Variants in KCTD8 observed in about 807,000 individuals in gnomAD.
KCTD8 encodes the protein potassium channel tetramerization domain containing 8.
Under a neutral mutation model 31.5 loss-of-function variants are expected in KCTD8, and 27 were observed. The observed-to-expected ratio is 0.86, with a 90% CI of 0.63 to 1.18. KCTD8 has a LOEUF of 1.18. Among genes scored for constraint, KCTD8 ranks in the 50% most tolerant of loss-of-function variants. KCTD8 has a pLI of 0.00. For missense variants in KCTD8, 658 were observed against 647.7 expected, an observed-to-expected ratio of 1.02 and a Z score of -0.17; for synonymous variants, 290 against 280.0, an observed-to-expected ratio of 1.04 and a Z score of -0.36.
intron 1 of KCTD8, among the ~76,000 whole-genome samples, chr4:44,233,063 C>T (rs1238303305): frequency 6.6e-6 from 1 of 151,728 alleles, no homozygotes; most frequent in African/African-American, 2.4e-5. Flanking sequence ...GATAACTTTG[C>T]TAATATTTTT....
chr4:44,364,913 GGAA>G (rs1343252354), intron 1 of KCTD8, among the ~76,000 whole-genome samples: 2 of 151,920 alleles, frequency 1.3e-5, no homozygotes, highest in African/African-American at 4.8e-5. Flanking sequence ...AGGGAGTGAG[GGAA>G]GAAGGAGAGA....
At chr4:44,180,811 C>A (rs1484579946) in intron 1 of KCTD8, among the ~76,000 whole-genome samples, 2 of 152,012 alleles carry the variant, frequency 1.3e-5, no homozygotes, top group Non-Finnish European at 2.9e-5. Flanking sequence ...TTATAAGAGT[C>A]TGTAATTCTA....
At chr4:44,304,088 A>G (rs554367620) in intron 1 of KCTD8, among the ~76,000 whole-genome samples, 2 of 152,272 alleles carry the variant, frequency 1.3e-5, no homozygotes, top group South Asian at 4.1e-4. Context: ...AGGAGTCATT[A>G]TCCAACTTGA....
At chr4:44,200,600 C>T (rs753462942) in intron 1 of KCTD8, among the ~76,000 whole-genome samples, 6 of 151,898 alleles carry the variant, frequency 4.0e-5, no homozygotes, top group Non-Finnish European at 7.4e-5. Context: ...TCAGTAAAAT[C>T]CAACATCCCT....
intron 1 of KCTD8, among the ~76,000 whole-genome samples, chr4:44,432,477 A>C (rs1441454077): frequency 6.6e-6 from 1 of 151,714 alleles, no homozygotes; most frequent in Non-Finnish European, 1.5e-5. Context: ...CCCAAGCACT[A>C]TTCCCCAGAG....
intron 1 of KCTD8, among the ~76,000 whole-genome samples, chr4:44,183,705 T>C (rs1713497506): frequency 6.6e-6 from 1 of 152,164 alleles, no homozygotes; most frequent in Non-Finnish European, 1.5e-5. Flanking sequence ...TTTCCTTGAA[T>C]ACACAAGCAT....
chr4:44,226,450 A>T lies in KCTD8; in HGVS notation c.962-51200T>A, dbSNP rs1714966182. Among the ~76,000 whole-genome samples the T allele has an allele frequency of 2.6e-5, 4 of 152,272 alleles. No homozygotes were observed. In the South Asian group the frequency reaches 8.3e-4, roughly 32 times the overall value. On this transcript the variant is annotated intron_variant, in intron 1 of 1. Transcript: ENST00000360029. The stretch of plus-strand genomic sequence containing the variant: ...TTTATCTGGTCTATCATTGATGGTC[A>T]TTTGGGTTGGTTCCAAGTCTTGCTA...
chr4:44,420,192 T>TA, intron 1 of KCTD8, among the ~76,000 whole-genome samples: 1 of 151,608 alleles, frequency 6.6e-6, no homozygotes, highest in Middle Eastern at 3.4e-3. Context: ...GGGTGCCACT[T>TA]AGAGATAGAG....
chr4:44,407,211 CCCAA>C (rs1720821171), intron 1 of KCTD8, among the ~76,000 whole-genome samples: 1 of 152,086 alleles, frequency 6.6e-6, no homozygotes, highest in Admixed American at 6.5e-5. Context: ...CTCTTTCATG[CCCAA>C]CCAAGTTCTG....
At chr4:44,252,741 C>G (rs1715878854) in intron 1 of KCTD8, among the ~76,000 whole-genome samples, 1 of 151,684 alleles carries the variant, frequency 6.6e-6, no homozygotes, top group South Asian at 2.1e-4. Context: ...ATTGATGTTG[C>G]TAATATTTTA....
At chr4:44,192,929 A>G (rs1277188500) in intron 1 of KCTD8, among the ~76,000 whole-genome samples, 2 of 152,192 alleles carry the variant, frequency 1.3e-5, no homozygotes, top group African/African-American at 2.4e-5. Context: ...TCAGACTCCA[A>G]GTTCTTCAGC....
At chr4:44,262,425 C>A (rs1312868044) in intron 1 of KCTD8, among the ~76,000 whole-genome samples, 3 of 151,772 alleles carry the variant, frequency 2.0e-5, no homozygotes, top group Non-Finnish European at 4.4e-5. Context: ...ACGACATGAG[C>A]AAAATCTCTG....
chr4:44,208,427 C>A (rs930091271), intron 1 of KCTD8, among the ~76,000 whole-genome samples: 1 of 152,110 alleles, frequency 6.6e-6, no homozygotes, highest in Non-Finnish European at 1.5e-5. Context: ...TAATGAGTAG[C>A]CTTTTAATCT....
chr4:44,264,599 A>G (rs1421994287), intron 1 of KCTD8, among the ~76,000 whole-genome samples: 1 of 152,172 alleles, frequency 6.6e-6, no homozygotes, highest in Non-Finnish European at 1.5e-5. Context: ...CTCACTCGGG[A>G]AGCGCAAGGG....
intron 1 of KCTD8, among the ~76,000 whole-genome samples, chr4:44,419,492 TG>T: frequency 6.6e-6 from 1 of 152,222 alleles, no homozygotes; most frequent in Non-Finnish European, 1.5e-5. Flanking sequence ...GAACCTTCTA[TG>T]GGGTACATGT....
At chr4:44,184,122 G>C (rs1029668379) in intron 1 of KCTD8, among the ~76,000 whole-genome samples, 1 of 152,194 alleles carries the variant, frequency 6.6e-6, no homozygotes, top group Non-Finnish European at 1.5e-5. Flanking sequence ...AGTAGTTCAG[G>C]CTTGGGGTGA....
chr4:44,174,891 T>C lies in KCTD8; in HGVS notation c.1321A>G (p.Lys441Glu), dbSNP rs754867847. ...CEKLSVEEEM[K>E]KCIQDFKKIH... The stretch of plus-strand genomic sequence containing the variant: ...TTTTTAAAATCCTGAATACACTTTT[T>C]CATTTCTTCTTCCACACTTAGCTTC... Residue 441 changes from lysine to glutamate, a missense_variant, in exon 2 of 2, where the codon AAA becomes GAA. Physicochemically the swap from Lys to Glu is moderately conservative, Grantham distance 56 (BLOSUM62 1). Coordinates refer to ENST00000360029, the MANE Select transcript of KCTD8 (RefSeq NM_198353.3). 6.8e-6 allele frequency: 11 copies of C among 1,614,052 alleles called. No individual in the cohort carries two copies. In the African/African-American group the frequency reaches 1.1e-4, roughly 16 times the overall value.
intron 1 of KCTD8, among the ~76,000 whole-genome samples, chr4:44,443,608 A>C (rs1375813521): frequency 6.6e-6 from 1 of 152,148 alleles, no homozygotes; most frequent in Non-Finnish European, 1.5e-5. Context: ...AACAAACAAA[A>C]AAAGATATAC....
intron 1 of KCTD8, among the ~76,000 whole-genome samples, chr4:44,369,467 G>A (rs553891672): frequency 6.6e-6 from 1 of 152,290 alleles, no homozygotes; most frequent in African/African-American, 2.4e-5. Context: ...AACATGCCAG[G>A]TCTTCTGAAT....
Sources: allele counts gnomAD v4.1 joint callset (sites outside exome capture counted in the v4.1 genomes callset), GRCh38; gene constraint gnomAD v4.1.1; transcripts MANE v1.5; gene names NCBI Gene and HGNC (gene_info 2026-07-23, HGNC 2026-07-21).